ABI1: variants seen among roughly 807,000 people sequenced by gnomAD.
ABI1 encodes the protein abl interactor 1, also known as Abelson interactor 1.
Under a neutral mutation model 54.6 loss-of-function variants are expected in ABI1, and 14 were observed. The ratio of observed to expected loss-of-function variants is 0.26; its 90% CI spans 0.17 to 0.40. ABI1 has a LOEUF of 0.40. ABI1 is among the 10% of genes least tolerant of loss of function. The pLI is 1.00. For synonymous variants in ABI1, 194 were observed against 209.3 expected (o/e 0.93, Z 0.63); for missense variants, 443 against 598.3 (o/e 0.74, Z 2.71).
At chr10:26,811,991 C>T (rs2047269273) in intron 2 of ABI1, among the ~76,000 whole-genome samples, 3 of 152,152 alleles carry the variant, frequency 2.0e-5, no homozygotes, top group South Asian at 2.1e-4. Context: ...CTTGCCTCTT[C>T]GAGATTATGG....
At chr10:26,832,313 T>A (rs2048729229) in intron 1 of ABI1, among the ~76,000 whole-genome samples, 1 of 152,208 alleles carries the variant, frequency 6.6e-6, no homozygotes, top group Admixed American at 6.5e-5. Context: ...CCGGGCGCAG[T>A]GGCTCACTCC....
At chr10:26,765,481 T>C (rs1839822092) in intron 6 of ABI1, among the ~76,000 whole-genome samples, 163 bp from the exon 7 acceptor site, 1 of 152,162 alleles carries the variant, frequency 6.6e-6, no homozygotes, top group African/African-American at 2.4e-5. Flanking sequence ...CCAAAACCCA[T>C]GGATGTTCAA....
intron 1 of ABI1, among the ~76,000 whole-genome samples, chr10:26,849,266 A>C (rs10829109): frequency 0.26 from 39,044 of 152,072 alleles, 5,707 homozygotes; most frequent in South Asian, 0.43. Context: ...GCAATGTCAC[A>C]GACGATACTA....
At chr10:26,847,211 T>G (rs1291308425) in intron 1 of ABI1, among the ~76,000 whole-genome samples, 1 of 152,240 alleles carries the variant, frequency 6.6e-6, no homozygotes, top group Admixed American at 6.5e-5. Context: ...GGAACTCCTG[T>G]GGTTCCAACT....
In ABI1 at chr10:26,770,668, G is replaced by C. The variant is rs1032578358; in HGVS notation, c.478-323C>G. Reference sequence around the variant, plus strand: ...GGGTTTCCTAAAATTTTTGAAATGTGTGCATGAACACAAACTATAGATCTT... The same window carrying C: ...GGGTTTCCTAAAATTTTTGAAATGTCTGCATGAACACAAACTATAGATCTT... On this transcript the variant is annotated intron_variant, in intron 4 of 10. Transcript: ENST00000376140. 1.4e-5 allele frequency: 8 copies of C among 573,198 alleles called. No homozygotes were observed. In the African/African-American group the frequency reaches 1.5e-4, roughly 11 times the overall value. The allele number at this position is 573,198 out of a possible 1,614,324, so 35.5% of individuals were successfully genotyped here.
chr10:26,837,951 G>A (rs1360798683), intron 1 of ABI1, among the ~76,000 whole-genome samples: 1 of 151,824 alleles, frequency 6.6e-6, no homozygotes, highest in Non-Finnish European at 1.5e-5. Flanking sequence ...AACCTAAGCA[G>A]GTATCTTGGT....
At chr10:26,828,766 G>A (rs1472167838) in intron 1 of ABI1, among the ~76,000 whole-genome samples, 1 of 152,150 alleles carries the variant, frequency 6.6e-6, no homozygotes, top group Non-Finnish European at 1.5e-5. Context: ...TTTATTGCTG[G>A]TGTTAATACT....
intron 1 of ABI1, among the ~76,000 whole-genome samples, chr10:26,841,867 G>A (rs547301149): frequency 9.9e-5 from 15 of 152,226 alleles, no homozygotes; most frequent in African/African-American, 3.6e-4. Flanking sequence ...TCCACAGCTT[G>A]GCTAATGTAA....
chr10:26,841,494 A>G (rs1309063560), intron 1 of ABI1, among the ~76,000 whole-genome samples: 2 of 150,580 alleles, frequency 1.3e-5, no homozygotes, highest in Non-Finnish European at 2.9e-5. Context: ...TTTATTAGCT[A>G]CAGTCCTCTT....
At chr10:26,858,849 T>C (rs1440984790) in intron 1 of ABI1, among the ~76,000 whole-genome samples, 1 of 152,160 alleles carries the variant, frequency 6.6e-6, no homozygotes, top group African/African-American at 2.4e-5. Flanking sequence ...CACTATATAC[T>C]TGTCAGATTT....
intron 1 of ABI1, among the ~76,000 whole-genome samples, chr10:26,840,956 C>T (rs986710202): frequency 6.6e-6 from 1 of 152,172 alleles, no homozygotes; most frequent in Non-Finnish European, 1.5e-5. Flanking sequence ...AATTAAAATT[C>T]AGGCTGTATA....
At chr10:26,812,396 T>C (rs2047298038) in intron 2 of ABI1, among the ~76,000 whole-genome samples, 1 of 152,230 alleles carries the variant, frequency 6.6e-6, no homozygotes, top group Non-Finnish European at 1.5e-5. Flanking sequence ...TGAATGCTCC[T>C]TAGCCACTGG....
intron 2 of ABI1, among the ~76,000 whole-genome samples, chr10:26,808,252 T>A (rs2046999661): frequency 6.6e-6 from 1 of 152,230 alleles, no homozygotes; most frequent in African/African-American, 2.4e-5. Flanking sequence ...GAAGACTCAT[T>A]TGATAGGAAC....
At chr10:26,769,192 CT>C (rs1247700727) in intron 5 of ABI1, among the ~76,000 whole-genome samples, 200 bp from the exon 6 acceptor site, 3 of 151,956 alleles carry the variant, frequency 2.0e-5, no homozygotes, top group African/African-American at 7.3e-5. Context: ...AATTTGTTAC[CT>C]TTTCCTAGGA....
intron 1 of ABI1, among the ~76,000 whole-genome samples, chr10:26,834,627 T>C (rs2048919170): frequency 1.4e-5 from 2 of 147,964 alleles, no homozygotes; most frequent in Admixed American, 1.3e-4. Context: ...AACAGGTATG[T>C]GAAAAAATAT....
chr10:26,782,823 A>G (rs1438371301), intron 2 of ABI1, among the ~76,000 whole-genome samples: 1 of 152,162 alleles, frequency 6.6e-6, no homozygotes, highest in Non-Finnish European at 1.5e-5. Flanking sequence ...ACAATGTGAC[A>G]CAACCTCACA....
Position 26,860,653 on chromosome 10 carries a change from G to A in ABI1, c.117+94C>T, listed in dbSNP as rs1266016151. The stretch of plus-strand genomic sequence containing the variant: ...GGGGCTCGGGTTGGTGGCAGCCGCT[G>A]AGGTCAGGGCAGTTCCCCACCCCGC... On this transcript the variant is annotated intron_variant, in intron 1 of 10. Transcript: ENST00000376140. This position sits in a 1 kb window ranked among gnomAD's most constrained non-coding sequence, Gnocchi z 4.1. The A allele has an allele frequency of 2.0e-6, 2 of 981,458 alleles. No homozygotes were observed. Among genetic ancestry groups the A allele is most frequent in the Non-Finnish European group, 3.2e-6 (2 of 623,408 alleles). 60.8% of individuals were successfully genotyped at this position (981,458 alleles called of 1,614,324 possible).
At chr10:26,791,792 GA>G (rs891739743) in intron 2 of ABI1, among the ~76,000 whole-genome samples, 2 of 151,860 alleles carry the variant, frequency 1.3e-5, no homozygotes, top group African/African-American at 4.8e-5. Context: ...TTGCCATATA[GA>G]AAAAAACACT....
At chr10:26,757,321 AAG>A (rs1838444195) in intron 8 of ABI1, among the ~76,000 whole-genome samples, 1 of 152,204 alleles carries the variant, frequency 6.6e-6, no homozygotes, top group African/African-American at 2.4e-5. Flanking sequence ...CAATATTCAA[AAG>A]AATGTGGTCA....
Sources: gnomAD v4.1 joint callset for allele counts (sites outside exome capture counted in the v4.1 genomes callset) on GRCh38, gnomAD v4.1.1 for gene constraint, Gnocchi (gnomAD v3.1) non-coding constraint, MANE v1.5 for transcripts, NCBI Gene and HGNC (gene_info 2026-07-23, HGNC 2026-07-21) for gene names.